SPCS2: variants seen among roughly 807,000 people sequenced by gnomAD.
SPCS2 encodes the protein SPase 25 kDa subunit.
In SPCS2, 3 loss-of-function variants were observed where a neutral mutation model predicts 22.3. That is an observed-to-expected ratio of 0.13 (90% CI 0.06 to 0.35). The LOEUF (loss-of-function observed/expected upper bound fraction) is 0.35. Among genes scored for constraint, SPCS2 ranks in the 10% least tolerant of loss-of-function variants. The pLI is 1.00. For synonymous variants in SPCS2, 67 were observed against 97.2 expected (o/e 0.69, Z 1.83); for missense variants, 169 against 280.9 (o/e 0.60, Z 2.85).
chr11:74,970,220 G>A (rs898798400), intron 4 of SPCS2, among the ~76,000 whole-genome samples: 1 of 152,204 alleles, frequency 6.6e-6, no homozygotes. Context: ...CTTTCTAGCT[G>A]TATAACTTTG....
intron 3 of SPCS2, among the ~76,000 whole-genome samples, chr11:74,967,371 A>G (rs1378734815): frequency 1.3e-5 from 2 of 152,206 alleles, no homozygotes; most frequent in East Asian, 3.8e-4. Flanking sequence ...ATGGTAATTC[A>G]TTTGTTTGGT....
chr11:74,965,179 A>C, intron 2 of SPCS2, 62 bp downstream of exon 2: 1 of 1,139,506 alleles, frequency 8.8e-7, no homozygotes, highest in Non-Finnish European at 1.2e-6. Flanking sequence ...CTCCTGGGAA[A>C]TCTTTTCCTT....
chr11:74,970,859 A>G (rs1175455651), intron 4 of SPCS2, among the ~76,000 whole-genome samples: 1 of 152,226 alleles, frequency 6.6e-6, no homozygotes, highest in Non-Finnish European at 1.5e-5. Flanking sequence ...GAACTTTTAT[A>G]TAATTCACCT....
rs754474538 is a variant in SPCS2 at position 74,949,290 on chromosome 11, C to T, written c.5C>T (p.Ala2Val). M[A>V]AAAVQGGRSG... Reference sequence around the variant, plus strand: ...GGAGACGCAGAGGCGGACAAGATGGCGGCGGCAGCTGTACAGGGCGGGAGA... The same window carrying T: ...GGAGACGCAGAGGCGGACAAGATGGTGGCGGCAGCTGTACAGGGCGGGAGA... Residue 2 changes from alanine (A) to valine (V), a missense_variant, in exon 1 of 5, where the codon GCG becomes GTG. Ala to Val is a moderately conservative substitution (Grantham distance 64). Transcript: ENST00000263672. The T allele has an allele frequency of 6.5e-6, 10 of 1,537,146 alleles. No individual in the cohort carries two copies. The highest frequency in any genetic ancestry group is 6.1e-6 in the Non-Finnish European group (7 of 1,141,352).
chr11:74,963,544 ATTGTTTGTTTGT>A lies in SPCS2; in HGVS notation c.115-1475_115-1464del, dbSNP rs752236848. On this transcript the variant is annotated intron_variant, in intron 1 of 4. Coordinates refer to ENST00000263672, the MANE Select transcript of SPCS2 (RefSeq NM_014752.3). ...TATCCCATCTCTTATTTTATTTTTT[ATTGTTTGTTTGT>A]TTGTTTGTTTGTTTATTTATTTATT... 150 of 403,590 alleles carry A rather than the reference ATTGTTTGTTTGT, an allele frequency of 3.7e-4. 1 individual carries two copies. The highest frequency in any genetic ancestry group is 5.8e-4 in the Non-Finnish European group (120 of 207,698). 25.0% of individuals were successfully genotyped at this position (403,590 alleles called of 1,614,324 possible).
intron 1 of SPCS2, among the ~76,000 whole-genome samples, chr11:74,956,868 A>C (rs1016223255): frequency 2.0e-5 from 3 of 151,894 alleles, no homozygotes; most frequent in Non-Finnish European, 4.4e-5. Flanking sequence ...GCTGTTCCTC[A>C]AACACGTTAA....
At chr11:74,951,019 C>T (rs1417152824) in intron 1 of SPCS2, among the ~76,000 whole-genome samples, 1 of 152,212 alleles carries the variant, frequency 6.6e-6, no homozygotes, top group Non-Finnish European at 1.5e-5. Flanking sequence ...ACTGCTCTTG[C>T]TCTTCCTTGC....
intron 1 of SPCS2, among the ~76,000 whole-genome samples, chr11:74,954,331 G>C (rs554990329): frequency 6.6e-6 from 1 of 152,184 alleles, no homozygotes; most frequent in Non-Finnish European, 1.5e-5. Flanking sequence ...TACAGAACCT[G>C]GCTCCCCCAG....
chr11:74,952,383 A>G (rs773419892), intron 1 of SPCS2, among the ~76,000 whole-genome samples: 3 of 152,216 alleles, frequency 2.0e-5, no homozygotes, highest in Non-Finnish European at 4.4e-5. Context: ...GTGGACATTC[A>G]TACATATTAT....
chr11:74,951,981 A>G (rs1008501696), intron 1 of SPCS2, among the ~76,000 whole-genome samples: 1 of 152,120 alleles, frequency 6.6e-6, no homozygotes, highest in African/African-American at 2.4e-5. Flanking sequence ...TATTGAGTTG[A>G]CTAGAAGGCT....
At chr11:74,962,710 T>C (rs537268246) in intron 1 of SPCS2, among the ~76,000 whole-genome samples, 291 of 152,344 alleles carry the variant, frequency 1.9e-3, no homozygotes, top group African/African-American at 6.6e-3. Flanking sequence ...CAGATGGTTC[T>C]CCATACTGTA....
chr11:74,954,956 G>C (rs977338534), intron 1 of SPCS2, among the ~76,000 whole-genome samples: 1 of 152,138 alleles, frequency 6.6e-6, no homozygotes, highest in Non-Finnish European at 1.5e-5. Flanking sequence ...ATGGCCCATA[G>C]CACATGGAAA....
At position 74,955,322 on chromosome 11, in the gene SPCS2, A is replaced by G. The variant is rs529443542; in HGVS notation, c.114+5923A>G. ...ATCATAATGGCCTAAAGGTAGAAAC[A>G]GTCTGTCAGCTGATGAATGGATAAA... is the stretch of plus-strand genomic sequence containing the variant. On this transcript the variant is annotated intron_variant, in intron 1 of 4. Transcript: ENST00000263672. Among the ~76,000 whole-genome samples the G allele has an allele frequency of 5.9e-5, 9 of 152,350 alleles. No homozygotes were observed. The South Asian group carries it at 6.2e-4, about 11-fold the overall frequency.
At chr11:74,969,484 A>G (rs1184270620) in intron 3 of SPCS2, 81 bp from the exon 4 acceptor site, 2 of 1,377,142 alleles carry the variant, frequency 1.5e-6, no homozygotes, top group South Asian at 1.3e-5. Flanking sequence ...TATCATTATG[A>G]AAGTTTTTAT....
At chr11:74,955,014 A>G (rs1430381242) in intron 1 of SPCS2, among the ~76,000 whole-genome samples, 1 of 152,174 alleles carries the variant, frequency 6.6e-6, no homozygotes, top group African/African-American at 2.4e-5. Flanking sequence ...TAAAACCACA[A>G]TGAGAAACCA....
chr11:74,953,088 ATTGT>A (rs759180208), intron 1 of SPCS2, among the ~76,000 whole-genome samples: 13 of 152,164 alleles, frequency 8.5e-5, no homozygotes, highest in Non-Finnish European at 1.5e-4. Context: ...GGTGCCTCTA[ATTGT>A]TTGAAGACTG....
At chr11:74,949,838 C>A (rs891314382) in intron 1 of SPCS2, among the ~76,000 whole-genome samples, 1 of 152,144 alleles carries the variant, frequency 6.6e-6, no homozygotes, top group Non-Finnish European at 1.5e-5. Flanking sequence ...GCTTCTTGTC[C>A]TTTTGCTTAC....
intron 1 of SPCS2, among the ~76,000 whole-genome samples, chr11:74,950,220 C>G (rs1385189102): frequency 2.0e-5 from 3 of 152,076 alleles, no homozygotes. Flanking sequence ...CTCTAATTAG[C>G]TTTGTGACCT....
At chr11:74,975,765 G>A (rs924018863) in intron 4 of SPCS2, among the ~76,000 whole-genome samples, 2 of 152,198 alleles carry the variant, frequency 1.3e-5, no homozygotes, top group African/African-American at 4.8e-5. Flanking sequence ...GATAGACACT[G>A]TTTTAGTCAT....
Sources: allele counts gnomAD v4.1 joint callset (sites outside exome capture counted in the v4.1 genomes callset), GRCh38; gene constraint gnomAD v4.1.1; transcripts MANE v1.5; gene names NCBI Gene and HGNC (gene_info 2026-07-23, HGNC 2026-07-21).